SMTNL2: variants seen among roughly 807,000 people sequenced by gnomAD.
SMTNL2 encodes the protein smoothelin-like protein 2.
In SMTNL2, 43 loss-of-function variants were observed where a neutral mutation model predicts 44.1. The observed-to-expected ratio is 0.98, with a 90% CI of 0.76 to 1.26. The LOEUF is 1.26. Ranked by LOEUF, SMTNL2 falls within the 50% of genes most tolerant of loss-of-function variation. SMTNL2 has a pLI of 0.00. For missense variants in SMTNL2, 646 were observed against 670.2 expected (o/e 0.96, Z 0.40); for synonymous variants, 317 against 287.6 (o/e 1.10, Z -1.03).
At chr17:4,606,493 C>T (rs1026519808) in intron 7 of SMTNL2, among the ~76,000 whole-genome samples, 3 of 151,722 alleles carry the variant, frequency 2.0e-5, no homozygotes, top group South Asian at 2.1e-4. Flanking sequence ...TACTGTGGGT[C>T]GCCTGTGCCT....
rs894019626 is a variant in SMTNL2, at chr17:4,596,762, C to A, written c.990-98C>A. 2.7e-6 allele frequency: 3 copies of A among 1,116,782 alleles called. No individual in the cohort carries two copies. The African/African-American group carries it at 4.8e-5, about 18-fold the overall frequency. 69.2% of individuals were successfully genotyped at this position (1,116,782 alleles called of 1,614,324 possible). ...GGTGAGCAGAGCAGGTGGGAGCACCCTCCTTGGTGGTGCCAGGACAGCCTC... is the reference window on the plus strand; with the variant it reads ...GGTGAGCAGAGCAGGTGGGAGCACCATCCTTGGTGGTGCCAGGACAGCCTC... On this transcript the variant is annotated intron_variant, in intron 5 of 7. Coordinates refer to ENST00000389313, the MANE Select transcript of SMTNL2 (RefSeq NM_001114974.2).
In SMTNL2 at chr17:4,598,321, AG is replaced by A. The variant is rs1909900661; in HGVS notation, c.1259+999del. On this transcript the variant is annotated intron_variant, in intron 7 of 7. Coordinates refer to ENST00000389313, the MANE Select transcript of SMTNL2 (RefSeq NM_001114974.2). This position sits in a 1 kb window ranked among gnomAD's most constrained non-coding sequence, Gnocchi z 4.8. The stretch of plus-strand genomic sequence containing the variant: ...GTTCATCCTGGCCCCCAGGGCAGGG[AG>A]CAGGGCACAGATGAGTGGTGTTCGG... 6.6e-6 allele frequency among the ~76,000 whole-genome samples: 1 copy of A among 152,140 alleles called. No homozygotes were observed. The highest frequency in any genetic ancestry group is 2.1e-4 in the South Asian group (1 of 4,834).
chr17:4,595,083 G>T lies in SMTNL2; in HGVS notation c.807-62G>T. 6.2e-7 allele frequency: 1 copy of T among 1,609,384 alleles called. No individual in the cohort carries two copies. On this transcript the variant is annotated intron_variant, in intron 4 of 7. Coordinates refer to ENST00000389313, the MANE Select transcript of SMTNL2 (RefSeq NM_001114974.2). The surrounding 1 kb of genome is among the most constrained non-coding windows in gnomAD (Gnocchi z 5.1). ...CACACTCAGTGCAATGGAGACCTTG[G>T]GGCCTGGTGAGCTAGTGATGGCTGC...
At chr17:4,596,416 T>G (rs1012303776) in intron 5 of SMTNL2, among the ~76,000 whole-genome samples, 2 of 152,218 alleles carry the variant, frequency 1.3e-5, no homozygotes, top group African/African-American at 4.8e-5. Flanking sequence ...AACTCATCCC[T>G]CCTGGCTAGG....
intron 7 of SMTNL2, among the ~76,000 whole-genome samples, chr17:4,604,929 C>T (rs1488096707): frequency 2.6e-5 from 4 of 151,910 alleles, no homozygotes; most frequent in Non-Finnish European, 4.4e-5. Flanking sequence ...CCTCGGCTTC[C>T]TAAAGTGCCG....
rs138910502 is a variant in SMTNL2, at chr17:4,593,330, C to T, written c.730+159C>T. Reference sequence around the variant, plus strand: ...ATGTCAGCCCCTTCCCTTAGCCCATCCTCCCGGGCTACTGCCCAGAGATGC... The same window carrying T: ...ATGTCAGCCCCTTCCCTTAGCCCATTCTCCCGGGCTACTGCCCAGAGATGC... On this transcript the variant is annotated intron_variant, in intron 3 of 7. Transcript: ENST00000389313. Among the ~76,000 whole-genome samples the T allele has an allele frequency of 3.3e-3, 510 of 152,388 alleles. 4 individuals are homozygous for T. The highest frequency in any genetic ancestry group is 0.012 in the African/African-American group (484 of 41,594).
chr17:4,597,995 A>G (rs1343981723), intron 7 of SMTNL2, among the ~76,000 whole-genome samples: 1 of 152,110 alleles, frequency 6.6e-6, no homozygotes, highest in Non-Finnish European at 1.5e-5. Flanking sequence ...ACAGTCAAGA[A>G]CTGGGCGAGG....
chr17:4,605,656 A>G (rs1910239797), intron 7 of SMTNL2, among the ~76,000 whole-genome samples: 1 of 152,172 alleles, frequency 6.6e-6, no homozygotes, highest in Non-Finnish European at 1.5e-5. Flanking sequence ...CAACCCTGAC[A>G]GCCATGCGCT....
In SMTNL2 at chr17:4,607,526, A is replaced by G; in HGVS notation, c.*39A>G. The stretch of plus-strand genomic sequence containing the variant: ...GGATTGCCAAAGAGCAGCCCCAGGA[A>G]GAGGCCGGGGGTCCGCTTGCGATTC... On this transcript the variant is annotated 3_prime_UTR_variant, in exon 8 of 8. Coordinates refer to ENST00000389313, the MANE Select transcript of SMTNL2 (RefSeq NM_001114974.2). The surrounding 1 kb of genome is among the most constrained non-coding windows in gnomAD (Gnocchi z 4.7). 1 of 1,606,554 alleles carries G rather than the reference A, an allele frequency of 6.2e-7. No homozygotes were observed. Among genetic ancestry groups the G allele is most frequent in the Non-Finnish European group, 8.5e-7 (1 of 1,174,186 alleles).
At position 4,585,011 on chromosome 17, in the gene SMTNL2, C is replaced by T. The variant is rs1256684388; in HGVS notation, c.399+7C>T. 7.6e-7 allele frequency: 1 copy of T among 1,324,404 alleles called. No individual in the cohort carries two copies. Among genetic ancestry groups the T allele is most frequent in the Non-Finnish European group, 9.6e-7 (1 of 1,041,418 alleles). The allele number at this position is 1,324,404 out of a possible 1,614,324, so 82.0% of individuals were successfully genotyped here. On this transcript the variant is annotated splice_region_variant and intron_variant, in intron 1 of 7. Coordinates refer to ENST00000389313, the MANE Select transcript of SMTNL2 (RefSeq NM_001114974.2). Reference sequence around the variant, plus strand: ...GCTGTCCGGCCGCGGCCAGGTGAGCCCGGGGGAGCGCGTGCGCTGGCGCCA... The same window carrying T: ...GCTGTCCGGCCGCGGCCAGGTGAGCTCGGGGGAGCGCGTGCGCTGGCGCCA...
chr17:4,593,027 C>T lies in SMTNL2; in HGVS notation c.586C>T (p.Pro196Ser). Residue 196 changes from proline to serine, a missense_variant, in exon 3 of 8, where the codon CCA becomes TCA. Coordinates refer to ENST00000389313, the MANE Select transcript of SMTNL2 (RefSeq NM_001114974.2). ...VSLSLRLPHQPVTAITRVSDR... is the reference protein window; with the variant it reads ...VSLSLRLPHQSVTAITRVSDR... ...CCTCTCCTTGCGGCTGCCCCACCAG[C>T]CAGTCACGGCCATCACCCGAGTCTC... The T allele has an allele frequency of 6.2e-7, 1 of 1,614,064 alleles. No individual in the cohort carries two copies. The highest frequency in any genetic ancestry group is 1.1e-5 in the South Asian group (1 of 91,086).
chr17:4,602,762 T>C (rs1910102525), intron 7 of SMTNL2, among the ~76,000 whole-genome samples: 1 of 152,220 alleles, frequency 6.6e-6, no homozygotes, highest in African/African-American at 2.4e-5. Flanking sequence ...GAGAATGCTC[T>C]CTGCCTGTGG....
chr17:4,607,760 T>C lies in SMTNL2; in HGVS notation c.*273T>C. On this transcript the variant is annotated 3_prime_UTR_variant, in exon 8 of 8. Transcript: ENST00000389313. The surrounding 1 kb of genome is among the most constrained non-coding windows in gnomAD (Gnocchi z 4.7). ...GAGAGACATTGGTGCTAAGTAATGA[T>C]CTTCCTAAAGAAATGCTTGTGTTTA... is the stretch of plus-strand genomic sequence containing the variant. 1 of 363,882 alleles carries C rather than the reference T, an allele frequency of 2.7e-6. No individual in the cohort carries two copies. Among genetic ancestry groups the C allele is most frequent in the South Asian group, 6.4e-5 (1 of 15,572 alleles). 22.5% of individuals were successfully genotyped at this position (363,882 alleles called of 1,614,324 possible). A position where few individuals can be genotyped will look rare whatever the true frequency, so the allele number is the denominator to read the frequency against.
chr17:4,603,654 G>A (rs1261435615), intron 7 of SMTNL2, among the ~76,000 whole-genome samples: 2 of 152,040 alleles, frequency 1.3e-5, no homozygotes, highest in African/African-American at 4.8e-5. Flanking sequence ...TGAGGCCACC[G>A]CCGTCAGTGC....
chr17:4,589,475 G>A (rs951713715), intron 1 of SMTNL2, among the ~76,000 whole-genome samples: 4 of 152,246 alleles, frequency 2.6e-5, no homozygotes, highest in East Asian at 1.9e-4. Flanking sequence ...AGGGGCACCC[G>A]TTCTGCTCTG....
At chr17:4,605,153 GTTT>G (rs753950451) in intron 7 of SMTNL2, among the ~76,000 whole-genome samples, 1 of 82,250 alleles carries the variant, frequency 1.2e-5, no homozygotes, top group South Asian at 4.9e-4. Context: ...TTTTTGTTTG[GTTT>G]TTTTTTTTTT....
intron 7 of SMTNL2, among the ~76,000 whole-genome samples, chr17:4,602,466 G>A (rs1005052093): frequency 2.6e-5 from 4 of 151,938 alleles, no homozygotes; most frequent in Non-Finnish European, 5.9e-5. Context: ...GGGATTACAG[G>A]CATGCGCCAC....
At chr17:4,594,196 C>G (rs760180983) in intron 4 of SMTNL2, among the ~76,000 whole-genome samples, 2 of 152,106 alleles carry the variant, frequency 1.3e-5, no homozygotes, top group Non-Finnish European at 2.9e-5. Flanking sequence ...CACCTGTAAT[C>G]CCAGCACTTT....
rs1909916640 is a variant in SMTNL2, at chr17:4,598,778, C to T, written c.1259+1455C>T. ...GAAAGAGGTTGCAGTGAGCTGAGAT[C>T]GCACCACTGTACTCCAGCCTGGGTG... On this transcript the variant is annotated intron_variant, in intron 7 of 7. Transcript: ENST00000389313. This position sits in a 1 kb window ranked among gnomAD's most constrained non-coding sequence, Gnocchi z 4.8. 6.6e-6 allele frequency among the ~76,000 whole-genome samples: 1 copy of T among 151,822 alleles called. No homozygotes were observed. The highest frequency in any genetic ancestry group is 1.9e-4 in the East Asian group (1 of 5,148).
Sources: gnomAD v4.1 joint callset for allele counts (sites outside exome capture counted in the v4.1 genomes callset) on GRCh38, gnomAD v4.1.1 for gene constraint, Gnocchi (gnomAD v3.1) non-coding constraint, MANE v1.5 for transcripts, NCBI Gene and HGNC (gene_info 2026-07-23, HGNC 2026-07-21) for gene names.